Variants in ITGA2 observed in about 807,000 individuals in gnomAD.
The protein encoded by ITGA2 is integrin subunit alpha 2, also known as integrin alpha-2.
A neutral mutation model predicts 146.3 loss-of-function variants in ITGA2; 101 were observed. The observed-to-expected ratio is 0.69, with a 90% confidence interval of 0.59 to 0.81. The LOEUF (loss-of-function observed/expected upper bound fraction) is 0.81. ITGA2 is among the 40% of genes least tolerant of loss of function. ITGA2 has a pLI of 0.00. For missense variants in ITGA2, 1,281 were observed against 1,402.7 expected (o/e 0.91, Z 1.39); for synonymous variants, 477 against 487.1 (o/e 0.98, Z 0.27).
intron 4 of ITGA2, among the ~76,000 whole-genome samples, chr5:53,047,676 G>C (rs1372598168): frequency 6.6e-6 from 1 of 152,060 alleles, no homozygotes; most frequent in Non-Finnish European, 1.5e-5. Context: ...CATACCCGTG[G>C]GCAGGCAGAA....
At chr5:53,034,688 A>G (rs1300971894) in intron 2 of ITGA2, among the ~76,000 whole-genome samples, 2 of 151,888 alleles carry the variant, frequency 1.3e-5, no homozygotes, top group Non-Finnish European at 2.9e-5. Context: ...AATAAAGTTC[A>G]TTTACAAAGG....
At chr5:52,997,152 A>T (rs1432422173) in intron 1 of ITGA2, among the ~76,000 whole-genome samples, 1 of 152,226 alleles carries the variant, frequency 6.6e-6, no homozygotes, top group Non-Finnish European at 1.5e-5. Context: ...TATTTGGCTA[A>T]TGTTTTCAGC....
chr5:53,054,710 A>C (rs1053555401), intron 7 of ITGA2, among the ~76,000 whole-genome samples: 12 of 152,122 alleles, frequency 7.9e-5, no homozygotes, highest in African/African-American at 2.7e-4. Flanking sequence ...AAAGTAAAAA[A>C]CAACTGTTTA....
intron 1 of ITGA2, among the ~76,000 whole-genome samples, chr5:53,005,580 C>CAAAAAAAAAAAA (rs5867858): frequency 7.3e-6 from 1 of 137,312 alleles, no homozygotes. Context: ...GACTCTGTGT[C>CAAAAAAAAAAAA]AAAAAAAAAA....
chr5:53,007,737 G>T (rs1188422508), intron 1 of ITGA2, among the ~76,000 whole-genome samples: 4 of 152,082 alleles, frequency 2.6e-5, no homozygotes, highest in Admixed American at 2.6e-4. Context: ...CTATTGAGTT[G>T]TTAAGAAGCA....
intron 1 of ITGA2, among the ~76,000 whole-genome samples, chr5:53,023,943 A>G (rs1427974980): frequency 1.3e-5 from 2 of 152,346 alleles, no homozygotes; most frequent in South Asian, 2.1e-4. Context: ...AAGAGGCAGG[A>G]TATAAAGGGA....
At chr5:52,999,881 G>A (rs1373922546) in intron 1 of ITGA2, among the ~76,000 whole-genome samples, 2 of 152,152 alleles carry the variant, frequency 1.3e-5, no homozygotes, top group Non-Finnish European at 2.9e-5. Context: ...TGTTGTGTAA[G>A]CACAACTCAG....
At chr5:53,030,412 TAG>T (rs1554017915) in intron 2 of ITGA2, among the ~76,000 whole-genome samples, 1 of 152,140 alleles carries the variant, frequency 6.6e-6, no homozygotes, top group Non-Finnish European at 1.5e-5. Context: ...AACTCCAGTA[TAG>T]AGCTTTCTGG....
At chr5:53,055,021 A>G (rs1744565363) in intron 7 of ITGA2, among the ~76,000 whole-genome samples, 1 of 152,134 alleles carries the variant, frequency 6.6e-6, no homozygotes, top group Non-Finnish European at 1.5e-5. Context: ...ATCTAAATAA[A>G]ACATTTTCTA....
chr5:53,087,141 G>GGT, intron 28 of ITGA2, 100 bp downstream of exon 28: 1 of 812,886 alleles, frequency 1.2e-6, no homozygotes, highest in Non-Finnish European at 2.1e-6. Context: ...CATGTATGTA[G>GGT]AAGTATCTTA....
Position 52,989,559 on chromosome 5 carries a change from G to A in ITGA2, c.64+27G>A, listed in dbSNP as rs139897689. 1,377 of 1,613,528 alleles carry A rather than the reference G, an allele frequency of 8.5e-4. 8 individuals are homozygous for A. Among genetic ancestry groups the A allele is most frequent in the East Asian group, 5.7e-3 (257 of 44,856 alleles). Reference sequence around the variant, plus strand: ...TAAGCGGGGATTTCGCTCTGCATCGGCTGCAGGAGGGACCCGCGCGGCTTC... The same window carrying A: ...TAAGCGGGGATTTCGCTCTGCATCGACTGCAGGAGGGACCCGCGCGGCTTC... On this transcript the variant is annotated intron_variant, in intron 1 of 29. Coordinates refer to ENST00000296585, the MANE Select transcript of ITGA2 (RefSeq NM_002203.4).
chr5:53,057,162 C>G (rs1744677214), intron 9 of ITGA2, among the ~76,000 whole-genome samples: 1 of 151,958 alleles, frequency 6.6e-6, no homozygotes, highest in African/African-American at 2.4e-5. Context: ...TGAATGAGAA[C>G]AATTGCAATC....
intron 1 of ITGA2, among the ~76,000 whole-genome samples, chr5:53,023,877 G>A (rs900928463): frequency 4.6e-5 from 7 of 152,132 alleles, no homozygotes; most frequent in Admixed American, 4.6e-4. Context: ...GATCTGAATT[G>A]TAAATACATA....
intron 23 of ITGA2, among the ~76,000 whole-genome samples, chr5:53,075,906 G>T (rs991030880): frequency 1.3e-5 from 2 of 152,008 alleles, no homozygotes; most frequent in African/African-American, 4.8e-5. Context: ...TATCCATAAA[G>T]AAATGCTTTG....
intron 16 of ITGA2, among the ~76,000 whole-genome samples, chr5:53,069,367 G>C (rs946543384): frequency 3.3e-5 from 5 of 151,856 alleles, no homozygotes; most frequent in African/African-American, 1.2e-4. Context: ...CCAAGTCACA[G>C]AGCTCATAAA....
At chr5:53,069,725 C>T (rs1176157199) in intron 16 of ITGA2, among the ~76,000 whole-genome samples, 1 of 151,812 alleles carries the variant, frequency 6.6e-6, no homozygotes, top group African/African-American at 2.4e-5. Context: ...AGAATGTGTC[C>T]AGTTGCAGGC....
intron 2 of ITGA2, among the ~76,000 whole-genome samples, chr5:53,027,981 C>T (rs755607731): frequency 9.9e-5 from 15 of 151,848 alleles, no homozygotes; most frequent in Non-Finnish European, 1.8e-4. Flanking sequence ...CTCAGGAAGC[C>T]GAGCTGGGAG....
chr5:53,043,149 G>A (rs187442744), intron 3 of ITGA2, among the ~76,000 whole-genome samples: 17 of 152,032 alleles, frequency 1.1e-4, no homozygotes, highest in Admixed American at 8.5e-4. Flanking sequence ...ATTTAAGCAG[G>A]TTGTGGGTGA....
At chr5:53,066,945 T>A (rs993794538) in intron 15 of ITGA2, among the ~76,000 whole-genome samples, 173 bp from the exon 16 acceptor site, 2 of 151,746 alleles carry the variant, frequency 1.3e-5, no homozygotes, top group Non-Finnish European at 2.9e-5. Context: ...AAAAAAAAAA[T>A]TATCTCTGTC....
Sources: allele counts gnomAD v4.1 joint callset (sites outside exome capture counted in the v4.1 genomes callset), GRCh38; gene constraint gnomAD v4.1.1; transcripts MANE v1.5; gene names NCBI Gene and HGNC (gene_info 2026-07-23, HGNC 2026-07-21).